The following TRPC7 variants were observed in gnomAD, a reference collection of about 807,000 sequenced individuals.
The protein encoded by TRPC7 is transient receptor potential cation channel subfamily C member 7.
A neutral mutation model predicts 90.1 loss-of-function variants in TRPC7; 42 were observed. That is an observed-to-expected ratio of 0.47 (90% CI 0.36 to 0.60). TRPC7 has a LOEUF of 0.60. TRPC7 is among the 20% of genes least tolerant of loss of function. The pLI is 0.00. For synonymous variants in TRPC7, 451 were observed against 436.3 expected (o/e 1.03, Z -0.42); for missense variants, 955 against 1,112.3 (o/e 0.86, Z 2.01).
chr5:136,252,107 G>A (rs1756543114), intron 5 of TRPC7, among the ~76,000 whole-genome samples: 1 of 152,206 alleles, frequency 6.6e-6, no homozygotes, highest in Admixed American at 6.5e-5. Context: ...CTGCAAGTGA[G>A]GAGAGAGTTT....
chr5:136,313,735 C>T (rs1158241288), intron 3 of TRPC7, among the ~76,000 whole-genome samples: 1 of 152,148 alleles, frequency 6.6e-6, no homozygotes, highest in African/African-American at 2.4e-5. Context: ...TTATCATCTT[C>T]CTACCTATGG....
At chr5:136,301,557 C>T (rs1406159897) in intron 3 of TRPC7, among the ~76,000 whole-genome samples, 2 of 152,020 alleles carry the variant, frequency 1.3e-5, no homozygotes, top group African/African-American at 2.4e-5. Flanking sequence ...TAATCTCCCC[C>T]ACCCTTAAGA....
intron 7 of TRPC7, among the ~76,000 whole-genome samples, chr5:136,236,345 G>C (rs546885088): frequency 6.6e-6 from 1 of 152,324 alleles, no homozygotes; most frequent in East Asian, 1.9e-4. Context: ...TAATTCAGCT[G>C]CTTGTTTTCT....
chr5:136,316,044 G>A (rs1246693708), intron 2 of TRPC7: 21 of 412,224 alleles, frequency 5.1e-5, no homozygotes, highest in Non-Finnish European at 6.5e-5. Flanking sequence ...CCTTAGCTGC[G>A]TGCTAAAGTT....
chr5:136,311,924 G>A (rs536066787), intron 3 of TRPC7, among the ~76,000 whole-genome samples: 1 of 152,130 alleles, frequency 6.6e-6, no homozygotes, highest in Non-Finnish European at 1.5e-5. Context: ...TATACCCATC[G>A]GCTACTGAAG....
At chr5:136,270,208 G>T (rs183278617) in intron 4 of TRPC7, among the ~76,000 whole-genome samples, 1 of 152,326 alleles carries the variant, frequency 6.6e-6, no homozygotes, top group Non-Finnish European at 1.5e-5. Flanking sequence ...TTTGCATGCA[G>T]CCATTAAGTG....
intron 5 of TRPC7, among the ~76,000 whole-genome samples, chr5:136,252,646 A>G (rs1756560409): frequency 6.6e-6 from 1 of 152,068 alleles, no homozygotes; most frequent in Non-Finnish European, 1.5e-5. Context: ...AGGGTGGGAT[A>G]GTTTCCAGAT....
chr5:136,342,426 T>C (rs1043383189), intron 2 of TRPC7, among the ~76,000 whole-genome samples: 2 of 152,206 alleles, frequency 1.3e-5, no homozygotes, highest in Non-Finnish European at 2.9e-5. Context: ...TAAATGGATC[T>C]TCACTGACCC....
At chr5:136,356,261 C>T (rs537627721) in intron 2 of TRPC7, among the ~76,000 whole-genome samples, 1 of 152,328 alleles carries the variant, frequency 6.6e-6, no homozygotes, top group Admixed American at 6.5e-5. Context: ...AACCACAGGT[C>T]CTTAGGTGTC....
intron 10 of TRPC7, among the ~76,000 whole-genome samples, chr5:136,221,596 T>C (rs1361333615): frequency 2.0e-5 from 3 of 152,048 alleles, no homozygotes; most frequent in African/African-American, 7.3e-5. Flanking sequence ...TGAGGTAGGA[T>C]CCAGAGGGAA....
At chr5:136,314,620 G>A (rs1337942568) in intron 3 of TRPC7, among the ~76,000 whole-genome samples, 1 of 152,104 alleles carries the variant, frequency 6.6e-6, no homozygotes, top group African/African-American at 2.4e-5. Flanking sequence ...ACTCTCCCTG[G>A]ATAAATTTCA....
At chr5:136,290,665 T>C (rs756836817) in intron 3 of TRPC7, among the ~76,000 whole-genome samples, 3 of 152,204 alleles carry the variant, frequency 2.0e-5, no homozygotes, top group Non-Finnish European at 2.9e-5. Flanking sequence ...CTACATCTAA[T>C]TGGTGTACCT....
At chr5:136,325,220 G>A (rs893177441) in intron 2 of TRPC7, among the ~76,000 whole-genome samples, 11 of 152,220 alleles carry the variant, frequency 7.2e-5, no homozygotes, top group Non-Finnish European at 1.5e-4. Flanking sequence ...TGAGCAAATT[G>A]GAAGTCGTTG....
chr5:136,282,413 T>G (rs1272765417), intron 3 of TRPC7, among the ~76,000 whole-genome samples: 1 of 152,222 alleles, frequency 6.6e-6, no homozygotes, highest in Non-Finnish European at 1.5e-5. Context: ...TATTTACTTC[T>G]CAAAATCACA....
intron 1 of TRPC7, among the ~76,000 whole-genome samples, chr5:136,360,409 A>T (rs1305862174): frequency 6.6e-6 from 1 of 152,230 alleles, no homozygotes; most frequent in Non-Finnish European, 1.5e-5. Flanking sequence ...CTTTGGACAA[A>T]TAATTTCTGC....
At chr5:136,330,239 T>C (rs1165166729) in intron 2 of TRPC7, among the ~76,000 whole-genome samples, 1 of 152,256 alleles carries the variant, frequency 6.6e-6, no homozygotes, top group East Asian at 1.9e-4. Context: ...TATTAAAAGA[T>C]ATAACTATTG....
chr5:136,233,146 T>C (rs1344599682), intron 7 of TRPC7, among the ~76,000 whole-genome samples: 1 of 152,236 alleles, frequency 6.6e-6, no homozygotes, highest in East Asian at 1.9e-4. Context: ...CTATGCACAC[T>C]CTTCAGAGTC....
Position 136,231,451 on chromosome 5 carries a change from A to G in TRPC7, c.1943T>C (p.Ile648Thr). Residue 648 changes from isoleucine (I) to threonine (T), a missense_variant, in exon 8 of 12, where the codon ATT becomes ACT. Around this residue, in one of 4 missense-constraint regions of TRPC7, gnomAD observed 296 missense variants for 422.7 expected, o/e 0.70. Coordinates refer to ENST00000513104, the MANE Select transcript of TRPC7 (RefSeq NM_020389.3). The stretch of plus-strand genomic sequence containing the variant: ...ATAAACGCCGTAGAGAACGTAGCCA[A>G]TGTTCTCGATGAATTTGTGGTCGTA... ...LKYDHKFIEN[I>T]GYVLYGVYNV... 3 of 1,613,046 alleles carry G rather than the reference A, an allele frequency of 1.9e-6. No homozygotes were observed. The highest frequency in any genetic ancestry group is 2.2e-5 in the East Asian group (1 of 44,860).
intron 8 of TRPC7, among the ~76,000 whole-genome samples, chr5:136,227,535 C>T (rs1406456469): frequency 6.6e-6 from 1 of 151,906 alleles, no homozygotes; most frequent in Non-Finnish European, 1.5e-5. Context: ...GCAGGGTTGA[C>T]CACTTTGCTT....
Sources: allele counts gnomAD v4.1 joint callset (sites outside exome capture counted in the v4.1 genomes callset), GRCh38; gene constraint gnomAD v4.1.1; regional missense constraint gnomAD v4.1.1; transcripts MANE v1.5; gene names NCBI Gene and HGNC (gene_info 2026-07-23, HGNC 2026-07-21).